The following AEBP2 variants were observed in gnomAD, a reference collection of about 807,000 sequenced individuals.
AEBP2 encodes zinc finger protein AEBP2.
A neutral mutation model predicts 50.8 loss-of-function variants in AEBP2; 10 were observed. The observed-to-expected ratio is 0.20, with a 90% CI of 0.12 to 0.33. AEBP2 has a LOEUF of 0.33. AEBP2 is among the 10% of genes least tolerant of loss of function. The pLI is 1.00. For missense variants in AEBP2, 570 were observed against 688.0 expected, an observed-to-expected ratio of 0.83 and a Z score of 1.92; for synonymous variants, 296 against 261.3, an observed-to-expected ratio of 1.13 and a Z score of -1.28.
At chr12:19,512,614 A>G in intron 6 of AEBP2, 149 bp downstream of exon 6, 3 of 587,766 alleles carry the variant, frequency 5.1e-6, no homozygotes, top group Non-Finnish European at 5.8e-6. Context: ...AGATAATCTG[A>G]AAGGTCTTAC....
At chr12:19,495,630 C>G (rs1948967260) in intron 4 of AEBP2, among the ~76,000 whole-genome samples, 1 of 151,440 alleles carries the variant, frequency 6.6e-6, no homozygotes, top group South Asian at 2.1e-4. Flanking sequence ...CAGTTTCAGA[C>G]TCCTGGGCTC....
chr12:19,516,312 G>A (rs1231092372), intron 7 of AEBP2, among the ~76,000 whole-genome samples: 1 of 152,114 alleles, frequency 6.6e-6, no homozygotes, highest in East Asian at 1.9e-4. Flanking sequence ...TTGGAGAGAT[G>A]AATTAAAATT....
In AEBP2 at chr12:19,443,388, C is replaced by T. The variant is rs545875631; in HGVS notation, c.671+3018C>T. Among the ~76,000 whole-genome samples, 4 of 151,876 alleles carry T rather than the reference C, an allele frequency of 2.6e-5. No homozygotes were observed. The South Asian group carries it at 8.3e-4, about 32-fold the overall frequency. On this transcript the variant is annotated intron_variant, in intron 1 of 7. Coordinates refer to ENST00000266508, the MANE Select transcript of AEBP2 (RefSeq NM_153207.5). ...CTGGGATTACAGGAGTGAGCCGCCA[C>T]CGCAGGCCATGTTAAATATCTTAAG...
intron 2 of AEBP2, among the ~76,000 whole-genome samples, chr12:19,463,071 C>G (rs966827262): frequency 3.9e-4 from 59 of 152,036 alleles, no homozygotes; most frequent in Non-Finnish European, 5.9e-5. Context: ...TTAGAGGATC[C>G]TAAATTATTC....
Position 19,519,632 on chromosome 12 carries a change from T to C in AEBP2, c.*1515T>C, listed in dbSNP as rs571942401. The C allele has an allele frequency of 1.3e-5, 2 of 152,730 alleles. No homozygotes were observed. Among genetic ancestry groups the C allele is most frequent in the African/African-American group, 4.8e-5 (2 of 41,594 alleles). 9.5% of individuals were successfully genotyped at this position (152,730 alleles called of 1,614,324 possible). A position where few individuals can be genotyped will look rare whatever the true frequency, so the allele number is the denominator to read the frequency against. On this transcript the variant is annotated 3_prime_UTR_variant, in exon 8 of 8. Transcript: ENST00000266508. ...GAGTTTTCACTTTACTACAGTGATA[T>C]AAAAACCAGCAGTTTTTACACTAAA...
At chr12:19,412,995 C>T (rs373123351) in intron 1 of AEBP2, among the ~76,000 whole-genome samples, 18 of 152,204 alleles carry the variant, frequency 1.2e-4, no homozygotes, top group African/African-American at 4.1e-4. Flanking sequence ...ACATGCAGGA[C>T]CTGCCCCGGC....
intron 5 of AEBP2, among the ~76,000 whole-genome samples, chr12:19,503,564 C>G (rs78363495): frequency 3.3e-5 from 5 of 151,770 alleles, no homozygotes; most frequent in Non-Finnish European, 5.9e-5. Context: ...AAAGTAAATT[C>G]GATTTCCTCT....
intron 2 of AEBP2, among the ~76,000 whole-genome samples, chr12:19,465,326 G>A (rs2153370799): frequency 6.6e-6 from 1 of 152,040 alleles, no homozygotes; most frequent in South Asian, 2.1e-4. Flanking sequence ...CCCGGGAGGC[G>A]GAGGTTGCAG....
chr12:19,520,912 T>A lies in AEBP2; in HGVS notation c.*2795T>A, dbSNP rs1949387905. On this transcript the variant is annotated 3_prime_UTR_variant, in exon 8 of 8. Transcript: ENST00000266508. ...ATGTGACTGGTCATAGTCAAAACAATTAAGACTTTGTTTCATGCACAAAAT... is the reference window on the plus strand; with the variant it reads ...ATGTGACTGGTCATAGTCAAAACAAATAAGACTTTGTTTCATGCACAAAAT... The A allele has an allele frequency of 6.6e-6, 1 of 152,214 alleles. No individual in the cohort carries two copies. The highest frequency in any genetic ancestry group is 6.5e-5 in the Admixed American group (1 of 15,278). 9.4% of individuals were successfully genotyped at this position (152,214 alleles called of 1,614,324 possible).
At chr12:19,462,471 A>T in intron 1 of AEBP2, 39 bp from the exon 2 acceptor site, 1 of 1,503,702 alleles carries the variant, frequency 6.7e-7, no homozygotes, top group South Asian at 1.2e-5. Flanking sequence ...ATGTTAGTGA[A>T]TTTCTAGGAA....
At chr12:19,496,393 C>G (rs1948981928) in intron 4 of AEBP2, among the ~76,000 whole-genome samples, 2 of 152,062 alleles carry the variant, frequency 1.3e-5, no homozygotes, top group East Asian at 1.9e-4. Context: ...GAATATATTA[C>G]TTTATAAACT....
intron 1 of AEBP2, among the ~76,000 whole-genome samples, chr12:19,407,983 G>A (rs1241548874): frequency 6.6e-6 from 1 of 151,756 alleles, no homozygotes; most frequent in Non-Finnish European, 1.5e-5. Flanking sequence ...CCCCGGAGGC[G>A]GAGGTTATAG....
At chr12:19,512,820 C>T (rs1261871457) in intron 6 of AEBP2, among the ~76,000 whole-genome samples, 1 of 151,996 alleles carries the variant, frequency 6.6e-6, no homozygotes, top group African/African-American at 2.4e-5. Context: ...TGGTGGTGCG[C>T]ACCCATAATC....
At chr12:19,479,943 C>G (rs918531256) in intron 3 of AEBP2, among the ~76,000 whole-genome samples, 14 of 151,640 alleles carry the variant, frequency 9.2e-5, no homozygotes, top group Admixed American at 7.2e-4. Flanking sequence ...CCATTCCATA[C>G]CTTTTAAATG....
intron 1 of AEBP2, among the ~76,000 whole-genome samples, chr12:19,427,126 A>C (rs1029225423): frequency 2.6e-5 from 4 of 151,852 alleles, no homozygotes; most frequent in South Asian, 2.1e-4. Flanking sequence ...TGCCGCCTGT[A>C]ATCCCTTTGG....
intron 1 of AEBP2, among the ~76,000 whole-genome samples, chr12:19,451,630 G>A (rs1009093652): frequency 6.6e-5 from 10 of 152,024 alleles, no homozygotes; most frequent in Admixed American, 3.9e-4. Context: ...ACACCTATTA[G>A]TGCTGTATAA....
At chr12:19,500,285 A>G in intron 5 of AEBP2, 64 bp downstream of exon 5, 1 of 1,325,928 alleles carries the variant, frequency 7.5e-7, no homozygotes, top group Non-Finnish European at 1.0e-6. Context: ...TTCCACAATC[A>G]TTTCTAAATC....
At chr12:19,489,303 T>C (rs755890626) in intron 3 of AEBP2, among the ~76,000 whole-genome samples, 2 of 152,226 alleles carry the variant, frequency 1.3e-5, no homozygotes, top group African/African-American at 2.4e-5. Flanking sequence ...GCAGTATCTC[T>C]TCTTCACAAG....
At chr12:19,501,653 A>G (rs1003216280) in intron 5 of AEBP2, among the ~76,000 whole-genome samples, 23 of 151,088 alleles carry the variant, frequency 1.5e-4, no homozygotes, top group African/African-American at 5.3e-4. Flanking sequence ...AAAAAATTAT[A>G]TATACACTAA....
Sources: allele counts gnomAD v4.1 joint callset (sites outside exome capture counted in the v4.1 genomes callset), GRCh38; gene constraint gnomAD v4.1.1; transcripts MANE v1.5; gene names NCBI Gene and HGNC (gene_info 2026-07-23, HGNC 2026-07-21).